The following CPAMD8 variants were observed in gnomAD, a reference collection of about 807,000 sequenced individuals.
The protein encoded by CPAMD8 is C3 and PZP like alpha-2-macroglobulin domain containing 8, also known as C3 and PZP-like alpha-2-macroglobulin domain-containing protein 8.
In CPAMD8, 146 loss-of-function variants were observed where a neutral mutation model predicts 224.7. The observed-to-expected ratio is 0.65, with a 90% CI of 0.57 to 0.75. The LOEUF (loss-of-function observed/expected upper bound fraction) is 0.75. CPAMD8 is among the 30% of genes least tolerant of loss of function. The pLI is 0.00. For missense variants in CPAMD8, 2,301 were observed against 2,537.5 expected (o/e 0.91, Z 2.00); for synonymous variants, 966 against 1,044.6 (o/e 0.92, Z 1.45).
At chr19:16,942,524 T>C (rs1010975748) in intron 22 of CPAMD8, among the ~76,000 whole-genome samples, 1 of 152,212 alleles carries the variant, frequency 6.6e-6, no homozygotes, top group African/African-American at 2.4e-5. Context: ...TATTTCTTTA[T>C]AGCAATGTAA....
chr19:16,907,242 T>C, intron 29 of CPAMD8, 125 bp from the exon 30 acceptor site: 1 of 1,217,828 alleles, frequency 8.2e-7, no homozygotes, highest in Non-Finnish European at 1.0e-6. Context: ...CTTTGCATCC[T>C]TCTGTGGCTC....
In CPAMD8 at chr19:16,997,095, G is replaced by C. The variant is rs2056150995; in HGVS notation, c.1095+16C>G. On this transcript the variant is annotated intron_variant, in intron 11 of 41. Coordinates refer to ENST00000443236, the MANE Select transcript of CPAMD8 (RefSeq NM_015692.5). Reference sequence around the variant, plus strand: ...TGGTCCTTGGGCGGGAGGCAGCACAGTCACCCCCAAGTTACCTTCCCCACG... The same window carrying C: ...TGGTCCTTGGGCGGGAGGCAGCACACTCACCCCCAAGTTACCTTCCCCACG... 1 of 1,560,026 alleles carries C rather than the reference G, an allele frequency of 6.4e-7. No individual in the cohort carries two copies. Among genetic ancestry groups the C allele is most frequent in the Admixed American group, 1.7e-5 (1 of 59,884 alleles).
At position 16,929,126 on chromosome 19, in the gene CPAMD8, A is replaced by G. The variant is rs2053468454; in HGVS notation, c.2960T>C (p.Leu987Ser). The G allele has an allele frequency of 6.2e-7, 1 of 1,614,076 alleles. No individual in the cohort carries two copies. Among genetic ancestry groups the G allele is most frequent in the Non-Finnish European group, 8.5e-7 (1 of 1,179,950 alleles). The change falls in exon 24 of 42, where the codon TTG (leucine) becomes TCG (serine). Residue 987 changes from leucine to serine, a missense_variant. Leu to Ser is a moderately radical substitution (Grantham distance 145). Around this residue, in one of 4 missense-constraint regions of CPAMD8, gnomAD observed 1,709 missense variants for 1,753.2 expected, o/e 0.97. Transcript: ENST00000443236. ...VRAHNDARVALSSGPQDTAGM... is the reference protein window; with the variant it reads ...VRAHNDARVASSSGPQDTAGM... ...TGCTGTGTCCTGGGGCCCAGAAGAC[A>G]AGGCCACACGGGCATCATTGTGAGC...
rs550305184 is a variant in CPAMD8 at position 17,004,439 on chromosome 19, G to A, written c.560-53C>T. 73 of 1,210,690 alleles carry A rather than the reference G, an allele frequency of 6.0e-5. 1 individual carries two copies. In the South Asian group the frequency reaches 8.3e-4, roughly 14 times the overall value. The allele number at this position is 1,210,690 out of a possible 1,614,324, so 75.0% of individuals were successfully genotyped here. On this transcript the variant is annotated intron_variant, in intron 7 of 41. Transcript: ENST00000443236. ...TTTCAGAGAGCCACAGACACGGTGA[G>A]GTACGGGAAGAGGGAGCCAGGACCC...
chr19:16,944,285 A>T (rs995333235), intron 22 of CPAMD8, among the ~76,000 whole-genome samples: 1 of 152,124 alleles, frequency 6.6e-6, no homozygotes, highest in African/African-American at 2.4e-5. Context: ...TTGTAGCTTC[A>T]TCTTTTGCAT....
chr19:16,959,079 A>T (rs947799892), intron 18 of CPAMD8, among the ~76,000 whole-genome samples: 1 of 149,744 alleles, frequency 6.7e-6, no homozygotes, highest in Non-Finnish European at 1.5e-5. Context: ...AATTACAGGC[A>T]TGAGCCACCA....
At chr19:16,925,083 C>T in intron 26 of CPAMD8, 113 bp downstream of exon 26, 1 of 1,138,570 alleles carries the variant, frequency 8.8e-7, no homozygotes, top group Non-Finnish European at 1.3e-6. Context: ...TTGCCCACTT[C>T]CTCCCCTTTG....
chr19:16,953,719 C>A (rs898808270), intron 19 of CPAMD8, among the ~76,000 whole-genome samples: 2 of 149,884 alleles, frequency 1.3e-5, no homozygotes, highest in Admixed American at 1.3e-4. Context: ...AAAATATTTG[C>A]AAGTCATATA....
At chr19:16,980,306 T>C (rs1294285984) in intron 14 of CPAMD8, among the ~76,000 whole-genome samples, 191 bp downstream of exon 14, 4 of 152,102 alleles carry the variant, frequency 2.6e-5, no homozygotes, top group Non-Finnish European at 4.4e-5. Context: ...GGCCTGAACC[T>C]CTCCACTTCC....
intron 13 of CPAMD8, among the ~76,000 whole-genome samples, chr19:16,982,131 G>C (rs1040971137): frequency 2.6e-5 from 4 of 152,096 alleles, no homozygotes; most frequent in Non-Finnish European, 5.9e-5. Context: ...AGTGGCTCAT[G>C]CTTTGTAATC....
intron 19 of CPAMD8, among the ~76,000 whole-genome samples, chr19:16,955,025 G>A (rs757877871): frequency 1.3e-5 from 2 of 152,226 alleles, no homozygotes; most frequent in African/African-American, 2.4e-5. Flanking sequence ...CTACTCAGGA[G>A]GCTGAGGCAG....
intron 1 of CPAMD8, among the ~76,000 whole-genome samples, chr19:17,024,646 CA>C (rs1049507037): frequency 3.3e-5 from 5 of 152,190 alleles, no homozygotes; most frequent in Non-Finnish European, 7.3e-5. Context: ...CTGACATCAC[CA>C]AATTAAGTTT....
Position 16,903,792 on chromosome 19 carries a change from GTTGATGCCTCCAGCATAGGACAAGA to G in CPAMD8, c.4292_4316del (p.Ile1431ThrfsTer41). ...TGGTGGAGGCCAGGGAGACAGTGAG[GTTGATGCCTCCAGCATAGGACAAGA>G]TGGCATATTCAGCCAAGGCCTGCAG... On this transcript the variant is annotated frameshift_variant, in exon 33 of 42. Coordinates refer to ENST00000443236, the MANE Select transcript of CPAMD8 (RefSeq NM_015692.5). LOFTEE classifies it high-confidence loss of function. 3 of 1,614,148 alleles carry G rather than the reference GTTGATGCCTCCAGCATAGGACAAGA, an allele frequency of 1.9e-6. No homozygotes were observed. Among genetic ancestry groups the G allele is most frequent in the Non-Finnish European group, 2.5e-6 (3 of 1,179,952 alleles).
At chr19:16,944,335 A>C (rs2054000989) in intron 22 of CPAMD8, among the ~76,000 whole-genome samples, 1 of 152,164 alleles carries the variant, frequency 6.6e-6, no homozygotes, top group African/African-American at 2.4e-5. Context: ...CTTTCCCCAG[A>C]GCTGCCTCCA....
chr19:17,004,725 C>G (rs746354318), intron 7 of CPAMD8, among the ~76,000 whole-genome samples: 2 of 152,034 alleles, frequency 1.3e-5, no homozygotes, highest in Admixed American at 6.6e-5. Flanking sequence ...CCCCGCCACC[C>G]GAGTCATTTC....
chr19:17,001,808 G>T (rs73018321), intron 9 of CPAMD8, among the ~76,000 whole-genome samples: 1 of 151,508 alleles, frequency 6.6e-6, no homozygotes. Flanking sequence ...GCAGAGGAGG[G>T]GCCCAGGGGG....
intron 5 of CPAMD8, chr19:17,009,578 C>T (rs1301708979): frequency 8.1e-6 from 3 of 370,004 alleles, no homozygotes; most frequent in South Asian, 3.9e-5. Context: ...ATTGAGACCA[C>T]CCTGGCTAAC....
rs968354318 is a variant in CPAMD8, at chr19:16,896,398, G to T, written c.5275+58C>A. The T allele has an allele frequency of 3.3e-6, 5 of 1,510,590 alleles. No homozygotes were observed. The African/African-American group carries it at 6.9e-5, about 21-fold the overall frequency. The allele number at this position is 1,510,590 out of a possible 1,614,324, so 93.6% of individuals were successfully genotyped here. ...CCCAAGGGCCGAGGGGAGGAGATCC[G>T]TGGCCCAGAGCAGCAGCGATGGTGT... On this transcript the variant is annotated intron_variant, in intron 40 of 41. Transcript: ENST00000443236.
intron 29 of CPAMD8, among the ~76,000 whole-genome samples, chr19:16,914,102 C>T (rs1484829679): frequency 6.6e-6 from 1 of 152,096 alleles, no homozygotes; most frequent in African/African-American, 2.4e-5. Flanking sequence ...TGGCCAGGAA[C>T]CTGAACTAGC....
Sources: gnomAD v4.1 joint callset for allele counts (sites outside exome capture counted in the v4.1 genomes callset) on GRCh38, gnomAD v4.1.1 for gene constraint, gnomAD v4.1.1 regional missense constraint, MANE v1.5 for transcripts, NCBI Gene and HGNC (gene_info 2026-07-23, HGNC 2026-07-21) for gene names.